Variants in GLRX2 observed in about 807,000 individuals in gnomAD.
GLRX2 encodes the protein glutaredoxin 2, also known as bA101E13.1 (GRX2 glutaredoxin (thioltransferase) 2).
In GLRX2, 12 loss-of-function variants were observed where a neutral mutation model predicts 16.4. The observed-to-expected ratio is 0.73, with a 90% CI of 0.47 to 1.19. The LOEUF is 1.19. Ranked by LOEUF, GLRX2 falls within the 50% of genes most tolerant of loss-of-function variation. The probability of loss-of-function intolerance (pLI) is 0.00; values close to 1 mark genes in which losing one functional copy is unlikely to be tolerated. For synonymous variants in GLRX2, 95 were observed against 76.2 expected (o/e 1.25, Z -1.28); for missense variants, 201 against 201.8 (o/e 1.00, Z 0.02).
At chr1:193,101,415 C>G (rs1270770098) in intron 1 of GLRX2, among the ~76,000 whole-genome samples, 1 of 152,198 alleles carries the variant, frequency 6.6e-6, no homozygotes, top group Non-Finnish European at 1.5e-5. Flanking sequence ...TAACTAGCTT[C>G]CCAACACCCT....
At position 193,101,202 on chromosome 1, in the gene GLRX2, A is replaced by G. The variant is rs1240984680; in HGVS notation, c.122T>C (p.Met41Thr). Residue 41 changes from methionine (M) to threonine (T), a missense_variant and splice_region_variant, in exon 2 of 4, where the codon ATG (methionine) becomes ACG (threonine). Physicochemically the swap from Met to Thr is moderately conservative, Grantham distance 81. Coordinates refer to ENST00000367439, the MANE Select transcript of GLRX2 (RefSeq NM_197962.3). ...AGAAAAAASG[M>T]ESNTSSSLEN... The stretch of plus-strand genomic sequence containing the variant: ...CAAAGATGATGATGTATTGCTCTCC[A>G]TCCTAAAAGGAATTTAAGAGAACAA... The G allele has an allele frequency of 1.3e-6, 2 of 1,593,520 alleles. No homozygotes were observed. Among genetic ancestry groups the G allele is most frequent in the Non-Finnish European group, 1.7e-6 (2 of 1,161,264 alleles).
intron 2 of GLRX2, 48 bp from the exon 3 acceptor site, chr1:193,097,808 T>C: frequency 7.6e-7 from 1 of 1,307,538 alleles, no homozygotes; most frequent in Non-Finnish European, 1.0e-6. Flanking sequence ...CATTACCATT[T>C]GGAAATAAAT....
At chr1:193,096,862 C>T in intron 3 of GLRX2, 103 bp from the exon 4 acceptor site, 6 of 777,624 alleles carry the variant, frequency 7.7e-6, no homozygotes, top group Non-Finnish European at 1.2e-5. Context: ...TTTTATGAGC[C>T]TGGCACCACA....
At chr1:193,104,159 AG>A (rs1329624102) in intron 1 of GLRX2, among the ~76,000 whole-genome samples, 1 of 152,202 alleles carries the variant, frequency 6.6e-6, no homozygotes, top group Non-Finnish European at 1.5e-5. Context: ...AGGAGGTAGG[AG>A]GTGCATTCTG....
intron 3 of GLRX2, 27 bp downstream of exon 3, chr1:193,097,557 G>A (rs755775149): frequency 3.2e-5 from 50 of 1,544,886 alleles, no homozygotes; most frequent in Non-Finnish European, 3.9e-5. Context: ...TATTAAAGAG[G>A]AACAGCACCA....
At chr1:193,101,468 C>T (rs1223117799) in intron 1 of GLRX2, among the ~76,000 whole-genome samples, 1 of 152,174 alleles carries the variant, frequency 6.6e-6, no homozygotes, top group Non-Finnish European at 1.5e-5. Flanking sequence ...TAAAGCTTGA[C>T]ACACTCTTAT....
chr1:193,103,377 A>T (rs1675117933), intron 1 of GLRX2, among the ~76,000 whole-genome samples: 1 of 152,218 alleles, frequency 6.6e-6, no homozygotes, highest in Admixed American at 6.5e-5. Flanking sequence ...AAAGTGTTCC[A>T]ACTGACAGCA....
chr1:193,097,819 T>C, intron 2 of GLRX2, 59 bp from the exon 3 acceptor site: 1 of 1,203,792 alleles, frequency 8.3e-7, no homozygotes, highest in South Asian at 1.6e-5. Context: ...GGAAATAAAT[T>C]AAGATATAAT....
intron 2 of GLRX2, among the ~76,000 whole-genome samples, chr1:193,099,099 T>C (rs773149853): frequency 3.9e-5 from 6 of 152,194 alleles, no homozygotes; most frequent in Non-Finnish European, 8.8e-5. Flanking sequence ...TTCAATGAGT[T>C]TGAGGTAGAA....
chr1:193,104,510 T>G (rs1187021212), intron 1 of GLRX2, among the ~76,000 whole-genome samples: 1 of 152,154 alleles, frequency 6.6e-6, no homozygotes, highest in Admixed American at 6.5e-5. Flanking sequence ...ATTCCTAGAA[T>G]CTTGCAAAAC....
chr1:193,104,667 G>A (rs768629923), intron 1 of GLRX2, among the ~76,000 whole-genome samples: 1 of 152,262 alleles, frequency 6.6e-6, no homozygotes, highest in Non-Finnish European at 1.5e-5. Flanking sequence ...TTCCACTGCA[G>A]GTCCCGAAGC....
Position 193,105,285 on chromosome 1 carries a change from G to C in GLRX2, c.98C>G (p.Ala33Gly). Residue 33 changes from alanine to glycine, a missense_variant, in exon 1 of 4, where the codon GCT becomes GGT. Ala to Gly is a moderately conservative substitution (Grantham distance 60, BLOSUM62 0). Transcript: ENST00000367439. ...WLDRAAGAAG[A>G]AAAAASGMES... ...GTACCCAGAGGCCGCAGCTGCCGCA[G>C]CTCCCGCAGCTCCCGCCGCCCTGTC... 5.9e-6 allele frequency: 9 copies of C among 1,527,068 alleles called. No homozygotes were observed. Among genetic ancestry groups the C allele is most frequent in the South Asian group, 2.4e-5 (2 of 83,264 alleles). 94.6% of individuals were successfully genotyped at this position (1,527,068 alleles called of 1,614,324 possible). A position where few individuals can be genotyped will look rare whatever the true frequency, so the allele number is the denominator to read the frequency against.
At position 193,099,000 on chromosome 1, in the gene GLRX2, T is replaced by C. The variant is rs182927472; in HGVS notation, c.184-1240A>G. Among the ~76,000 whole-genome samples, 250 of 152,378 alleles carry C rather than the reference T, an allele frequency of 1.6e-3. 1 individual carries two copies. The highest frequency in any genetic ancestry group is 0.01 in the Middle Eastern group (3 of 294). Reference sequence around the variant, plus strand: ...CCCTCTACTTCTATCCTTTCCTATATACCTTTATAGTACAAAAGCTGTCAT... The same window carrying C: ...CCCTCTACTTCTATCCTTTCCTATACACCTTTATAGTACAAAAGCTGTCAT... On this transcript the variant is annotated intron_variant, in intron 2 of 3. Coordinates refer to ENST00000367439, the MANE Select transcript of GLRX2 (RefSeq NM_197962.3).
rs369294574 is a variant in GLRX2, at chr1:193,097,536, A to C, written c.360+48T>G. On this transcript the variant is annotated intron_variant, in intron 3 of 3. Coordinates refer to ENST00000367439, the MANE Select transcript of GLRX2 (RefSeq NM_197962.3). The stretch of plus-strand genomic sequence containing the variant: ...CAAGGTTCTAGGCTCTGGGTGATCT[A>C]GTTTACAACCTATTAAAGAGGAACA... 1.2e-5 allele frequency: 17 copies of C among 1,422,476 alleles called. 1 individual carries two copies. In the Middle Eastern group the frequency reaches 1.3e-3, roughly 109 times the overall value. 88.1% of individuals were successfully genotyped at this position (1,422,476 alleles called of 1,614,324 possible). A position where few individuals can be genotyped will look rare whatever the true frequency, so the allele number is the denominator to read the frequency against.
chr1:193,103,617 TC>T (rs1322118284), intron 1 of GLRX2, among the ~76,000 whole-genome samples: 1 of 152,036 alleles, frequency 6.6e-6, no homozygotes, highest in East Asian at 1.9e-4. Context: ...TTGGAACGTG[TC>T]CACCACGGAT....
In GLRX2 at chr1:193,096,515, C is replaced by T. The variant is rs539569786; in HGVS notation, c.*110G>A. On this transcript the variant is annotated 3_prime_UTR_variant, in exon 4 of 4. Transcript: ENST00000367439. ...TTGTTCATTATTTTTACATCTTCTTCGTGAAGACAATGCATGTATTTAAAA... is the reference window on the plus strand; with the variant it reads ...TTGTTCATTATTTTTACATCTTCTTTGTGAAGACAATGCATGTATTTAAAA... 7.4e-6 allele frequency: 4 copies of T among 539,676 alleles called. No homozygotes were observed. The highest frequency in any genetic ancestry group is 5.7e-5 in the African/African-American group (3 of 52,438). 33.4% of individuals were successfully genotyped at this position (539,676 alleles called of 1,614,324 possible).
At chr1:193,098,216 G>A (rs905580929) in intron 2 of GLRX2, among the ~76,000 whole-genome samples, 2 of 152,134 alleles carry the variant, frequency 1.3e-5, no homozygotes, top group African/African-American at 4.8e-5. Context: ...GGCAAATCTG[G>A]CTCTACAGTC....
chr1:193,105,045 C>T (rs1675157834), intron 1 of GLRX2, among the ~76,000 whole-genome samples: 1 of 152,218 alleles, frequency 6.6e-6, no homozygotes, highest in African/African-American at 2.4e-5. Flanking sequence ...GTATTTTCAA[C>T]GCGAGAGTCA....
At position 193,096,559 on chromosome 1, in the gene GLRX2, A is replaced by G; in HGVS notation, c.*66T>C. On this transcript the variant is annotated 3_prime_UTR_variant, in exon 4 of 4. Coordinates refer to ENST00000367439, the MANE Select transcript of GLRX2 (RefSeq NM_197962.3). ...TTTAAAACATCCTCAAACATTTAAA[A>G]GACATTATCGGGCATTACCACTTTA... is the stretch of plus-strand genomic sequence containing the variant. 1.2e-6 allele frequency: 1 copy of G among 815,908 alleles called. No homozygotes were observed. Among genetic ancestry groups the G allele is most frequent in the South Asian group, 2.1e-5 (1 of 47,282 alleles). The allele number at this position is 815,908 out of a possible 1,614,324, so 50.5% of individuals were successfully genotyped here.
Sources: allele counts gnomAD v4.1 joint callset (sites outside exome capture counted in the v4.1 genomes callset), GRCh38; gene constraint gnomAD v4.1.1; transcripts MANE v1.5; gene names NCBI Gene and HGNC (gene_info 2026-07-23, HGNC 2026-07-21).